The following PACSIN2 variants were observed in gnomAD, a reference collection of about 807,000 sequenced individuals.
PACSIN2 encodes protein kinase C and casein kinase substrate in neurons protein 2.
A neutral mutation model predicts 63.8 loss-of-function variants in PACSIN2; 25 were observed. That is an observed-to-expected ratio of 0.39 (90% confidence interval 0.29 to 0.55). PACSIN2 has a LOEUF of 0.55. Among genes scored for constraint, PACSIN2 ranks in the 20% least tolerant of loss-of-function variants. PACSIN2 has a pLI of 0.62. For missense variants in PACSIN2, 518 were observed against 646.9 expected (o/e 0.80, Z 2.16); for synonymous variants, 255 against 256.2 (o/e 1.00, Z 0.05).
Position 43,007,101 on chromosome 22 carries a change from G to T in PACSIN2, c.-78+7920C>A, listed in dbSNP as rs560258485. Reference sequence around the variant, plus strand: ...TGCTTCTCTGAAGATCTTCATCCCGGTATTTTAAATACCCAGAAACTGCTC... The same window carrying T: ...TGCTTCTCTGAAGATCTTCATCCCGTTATTTTAAATACCCAGAAACTGCTC... On this transcript the variant is annotated intron_variant, in intron 1 of 10. Coordinates refer to ENST00000263246, the MANE Select transcript of PACSIN2 (RefSeq NM_001184970.3). Among the ~76,000 whole-genome samples the T allele has an allele frequency of 2.6e-5, 4 of 152,120 alleles. No individual in the cohort carries two copies. The South Asian group carries it at 6.2e-4, about 24-fold the overall frequency.
Position 43,010,619 on chromosome 22 carries a change from A to G in PACSIN2, c.-78+4402T>C, listed in dbSNP as rs540594293. Among the ~76,000 whole-genome samples the G allele has an allele frequency of 2.6e-5, 4 of 152,230 alleles. No individual in the cohort carries two copies. The South Asian group carries it at 8.3e-4, about 32-fold the overall frequency. ...CAGCTACTTGGGAGGCTGAGGCAGG[A>G]GAATGGCATGAACTCGGGAGGCGCA... On this transcript the variant is annotated intron_variant, in intron 1 of 10. Coordinates refer to ENST00000263246, the MANE Select transcript of PACSIN2 (RefSeq NM_001184970.3).
At chr22:42,946,038 G>T (rs1368835604) in intron 1 of PACSIN2, among the ~76,000 whole-genome samples, 3 of 152,114 alleles carry the variant, frequency 2.0e-5, no homozygotes, top group African/African-American at 7.2e-5. Flanking sequence ...ACCAACACAA[G>T]CACCACACTC....
rs1460103481 is a variant in PACSIN2, at chr22:42,981,746, C to T, written c.-78+33275G>A. Among the ~76,000 whole-genome samples, 978 of 112,302 alleles carry T rather than the reference C, an allele frequency of 8.7e-3. 19 individuals are homozygous for T. The highest frequency in any genetic ancestry group is 0.054 in the East Asian group (180 of 3,314). 73.7% of individuals were successfully genotyped at this position (112,302 alleles called of 152,430 possible). A position where few individuals can be genotyped will look rare whatever the true frequency, so the allele number is the denominator to read the frequency against. On this transcript the variant is annotated intron_variant, in intron 1 of 10. Transcript: ENST00000263246. ...CTGGGAAGTGAGGAGCCCCTCTGCC[C>T]GGCCAGTCGCCCCGTCCAGGAGGGA...
At chr22:42,918,182 G>T (rs1260363153) in intron 1 of PACSIN2, among the ~76,000 whole-genome samples, 1 of 152,172 alleles carries the variant, frequency 6.6e-6, no homozygotes, top group Non-Finnish European at 1.5e-5. Context: ...CTGCAGACAG[G>T]CCACACCCTA....
intron 1 of PACSIN2, among the ~76,000 whole-genome samples, chr22:42,982,884 A>AC (rs1569350317): frequency 5.1e-5 from 7 of 137,804 alleles, no homozygotes; most frequent in Non-Finnish European, 1.1e-4. Flanking sequence ...AAAAAAAAAA[A>AC]AAAAAACAAC....
rs1214739369 is a variant in PACSIN2, at chr22:42,876,906, T to C, written c.1133A>G (p.Asp378Gly). 3 of 1,614,068 alleles carry C rather than the reference T, an allele frequency of 1.9e-6. No individual in the cohort carries two copies. Among genetic ancestry groups the C allele is most frequent in the Non-Finnish European group, 2.5e-6 (3 of 1,180,036 alleles). Residue 378 changes from aspartate to glycine, a missense_variant, in exon 9 of 11, where the codon GAC becomes GGC. By Grantham distance (94) the Asp-to-Gly change is moderately conservative. Transcript: ENST00000263246. The part of the protein sequence containing the change: ...DDTGSTVSEK[D>G]DTKAKNVSSY... ...CACCAACTTTTTGGCCTTAGTGTCG[T>C]CCTTCTCACTGACGGTGCTGCCCGT...
intron 1 of PACSIN2, among the ~76,000 whole-genome samples, chr22:42,953,544 G>T (rs1202907218): frequency 6.6e-6 from 1 of 152,176 alleles, no homozygotes. Context: ...GTTTTAGCAT[G>T]GCTGATGAAC....
intron 1 of PACSIN2, among the ~76,000 whole-genome samples, chr22:42,975,457 A>AATATATATATATATATATATATAT (rs57140073): frequency 6.4e-5 from 9 of 140,748 alleles, no homozygotes; most frequent in African/African-American, 2.5e-4. Context: ...AATATATACA[A>AATATATATATATATATATATATAT]ATATATATAT....
intron 1 of PACSIN2, among the ~76,000 whole-genome samples, chr22:42,925,681 G>A (rs1380710796): frequency 1.3e-5 from 2 of 152,178 alleles, no homozygotes; most frequent in African/African-American, 4.8e-5. Flanking sequence ...AAAATAATGA[G>A]AGCATTTATG....
intron 1 of PACSIN2, among the ~76,000 whole-genome samples, chr22:42,941,499 T>C (rs977679505): frequency 2.0e-5 from 3 of 152,208 alleles, no homozygotes; most frequent in South Asian, 4.1e-4. Context: ...AGGTGCATCA[T>C]TTGACATTCC....
At chr22:42,904,121 T>C (rs1238689757) in intron 2 of PACSIN2, among the ~76,000 whole-genome samples, 2 of 152,198 alleles carry the variant, frequency 1.3e-5, no homozygotes, top group African/African-American at 2.4e-5. Context: ...ACACATAAGA[T>C]AGACAACATA....
chr22:42,911,742 G>A (rs1931473000), intron 2 of PACSIN2, among the ~76,000 whole-genome samples: 1 of 152,208 alleles, frequency 6.6e-6, no homozygotes, highest in South Asian at 2.1e-4. Context: ...AAAGGAAGGT[G>A]ATCCCCAAGA....
At chr22:42,980,162 C>T (rs1921983988) in intron 1 of PACSIN2, among the ~76,000 whole-genome samples, 1 of 151,862 alleles carries the variant, frequency 6.6e-6, no homozygotes, top group African/African-American at 2.4e-5. Context: ...TTTGTAAAAT[C>T]TATAATTCCA....
At chr22:42,986,768 A>C (rs889712275) in intron 1 of PACSIN2, among the ~76,000 whole-genome samples, 1 of 152,134 alleles carries the variant, frequency 6.6e-6, no homozygotes. Context: ...AAAGACCCTA[A>C]GAAGGGGCAG....
chr22:42,880,686 G>C (rs1315706608), intron 7 of PACSIN2: 1 of 152,242 alleles, frequency 6.6e-6, no homozygotes, highest in African/African-American at 2.4e-5. Flanking sequence ...CGTAACAGCT[G>C]CAAATGTGCG....
intron 6 of PACSIN2, 96 bp downstream of exon 6, chr22:42,884,290 C>A (rs1200797138): frequency 8.6e-7 from 1 of 1,160,558 alleles, no homozygotes; most frequent in East Asian, 2.4e-5. Flanking sequence ...CTGATGAACG[C>A]GCCATCCCAA....
rs1227140320 is a variant in PACSIN2 at position 42,876,333 on chromosome 22, A to G, written c.1152T>C (p.Asn384=). ...VSEKDDTKAK[N]VSSYEKTQSY... ...TCTGGGTCTTCTCGTAGCTGCTCAC[A>G]CTGCAAGAAAGGGGAGGCCACAGGG... The change falls in exon 10 of 11, where the codon AAT becomes AAC. Residue 384 remains asparagine (N), a splice_region_variant and synonymous_variant. Coordinates refer to ENST00000263246, the MANE Select transcript of PACSIN2 (RefSeq NM_001184970.3). 6.2e-7 allele frequency: 1 copy of G among 1,612,428 alleles called. No homozygotes were observed. The highest frequency in any genetic ancestry group is 1.3e-5 in the African/African-American group (1 of 74,906).
In PACSIN2 at chr22:42,939,644, G is replaced by C. The variant is rs76006654; in HGVS notation, c.-77-27487C>G. Among the ~76,000 whole-genome samples, 649 of 152,272 alleles carry C rather than the reference G, an allele frequency of 4.3e-3. 3 individuals are homozygous for C. The highest frequency in any genetic ancestry group is 0.015 in the African/African-American group (613 of 41,544). ...TTGCTTTCAAAGTTGGGTGGGACTA[G>C]AACACACAATGGAAGGATGGAGTCA... On this transcript the variant is annotated intron_variant, in intron 1 of 10. Transcript: ENST00000263246.
At chr22:42,921,548 A>G (rs1932196174) in intron 1 of PACSIN2, among the ~76,000 whole-genome samples, 1 of 152,074 alleles carries the variant, frequency 6.6e-6, no homozygotes, top group Non-Finnish European at 1.5e-5. Flanking sequence ...ACCCTTTCAT[A>G]AAGTTCAAAC....
Sources: gnomAD v4.1 joint callset for allele counts (sites outside exome capture counted in the v4.1 genomes callset) on GRCh38, gnomAD v4.1.1 for gene constraint, MANE v1.5 for transcripts, NCBI Gene and HGNC (gene_info 2026-07-23, HGNC 2026-07-21) for gene names.